EDEM3: variants seen among roughly 807,000 people sequenced by gnomAD.
EDEM3 encodes ER degradation enhancing alpha-mannosidase like protein 3, also known as ER degradation-enhancing alpha-mannosidase-like protein 3.
A neutral mutation model predicts 110.2 loss-of-function variants in EDEM3; 60 were observed. That is an observed-to-expected ratio of 0.54 (90% confidence interval 0.44 to 0.67). EDEM3 has a LOEUF of 0.67. Ranked by LOEUF, EDEM3 falls within the 30% of genes least tolerant of loss-of-function variation. The pLI, the probability that EDEM3 is intolerant of heterozygous loss-of-function variation, is 0.00. For missense variants in EDEM3, 996 were observed against 1,121.0 expected (o/e 0.89, Z 1.59); for synonymous variants, 352 against 382.9 (o/e 0.92, Z 0.94).
At chr1:184,719,048 C>G (rs1321129813) in intron 11 of EDEM3, 114 bp downstream of exon 11, 1 of 526,782 alleles carries the variant, frequency 1.9e-6, no homozygotes, top group Non-Finnish European at 3.2e-6. Flanking sequence ...AACCAACAAG[C>G]CTTGAAGATG....
intron 16 of EDEM3, 54 bp downstream of exon 16, chr1:184,710,340 C>A: frequency 1.9e-6 from 3 of 1,570,214 alleles, no homozygotes; most frequent in Middle Eastern, 1.7e-4. Context: ...AAAGCTAATG[C>A]GACCAAAGAA....
In EDEM3 at chr1:184,721,154, C is replaced by T. The variant is rs114073455; in HGVS notation, c.951+135G>A. 555 of 683,072 alleles carry T rather than the reference C, an allele frequency of 8.1e-4. 4 individuals carry two copies. In the African/African-American group the frequency reaches 9.8e-3, roughly 12 times the overall value. The allele number at this position is 683,072 out of a possible 1,614,324, so 42.3% of individuals were successfully genotyped here. ...TTTTTACGCTGTCCCTGTTCAACAT[C>T]ATCAGGAAATACTGACACAAAACCA... On this transcript the variant is annotated intron_variant, in intron 9 of 19. Transcript: ENST00000318130.
At chr1:184,717,156 G>T in intron 12 of EDEM3, 144 bp from the exon 13 acceptor site, 2 of 577,114 alleles carry the variant, frequency 3.5e-6, no homozygotes, top group Non-Finnish European at 5.6e-6. Flanking sequence ...ACTGAGTTCT[G>T]AAAAAAAGCT....
In EDEM3 at chr1:184,732,244, G is replaced by A. The variant is rs146609382; in HGVS notation, c.612+593C>T. 6.9e-3 allele frequency among the ~76,000 whole-genome samples: 1,055 copies of A among 152,052 alleles called. 59 individuals are homozygous for A. Among genetic ancestry groups the A allele is most frequent in the Admixed American group, 0.061 (929 of 15,278 alleles). ...TTTTGAATGTTCTTACTCATTTGTG[G>A]GAGCTAAAATTTAAAACAATTGATC... On this transcript the variant is annotated intron_variant, in intron 6 of 19. Coordinates refer to ENST00000318130, the MANE Select transcript of EDEM3 (RefSeq NM_025191.4).
intron 11 of EDEM3, 32 bp downstream of exon 11, chr1:184,719,130 G>A (rs997706110): frequency 1.5e-6 from 2 of 1,292,738 alleles, no homozygotes; most frequent in African/African-American, 3.0e-5. Context: ...GTTTGTGTGT[G>A]TGTAAGATTA....
chr1:184,736,529 T>C (rs1410824521), intron 4 of EDEM3, among the ~76,000 whole-genome samples: 1 of 152,026 alleles, frequency 6.6e-6, no homozygotes, highest in Non-Finnish European at 1.5e-5. Flanking sequence ...TCACAAACAG[T>C]CCTGAACCAG....
intron 19 of EDEM3, among the ~76,000 whole-genome samples, chr1:184,700,035 T>C (rs548085931): frequency 7.2e-4 from 109 of 152,062 alleles, no homozygotes; most frequent in Admixed American, 1.3e-3. Flanking sequence ...CTGAGAGATA[T>C]GATATTGAAA....
At position 184,709,393 on chromosome 1, in the gene EDEM3, T is replaced by C. The variant is rs138763354; in HGVS notation, c.1845+1001A>G. On this transcript the variant is annotated intron_variant, in intron 16 of 19. Transcript: ENST00000318130. ...GGTGACACTGTTGAAGAAGAGTATA[T>C]AGAGAAAAGAATATCATCCAGATTC... Among the ~76,000 whole-genome samples the C allele has an allele frequency of 2.8e-3, 429 of 152,224 alleles. 5 individuals carry two copies. The East Asian group carries it at 0.036, about 13-fold the overall frequency.
Position 184,719,219 on chromosome 1 carries a change from A to G in EDEM3, c.1104T>C (p.Ala368=). ...GATATAACATTTCATGAGTTTCAAT[A>G]GCAGGTCTAATATCCCCCTTTAACA... ...LQVLKGDIRP[A]IETHEMLYQV... Residue 368 remains alanine, a synonymous_variant, in exon 11 of 20, where the codon GCT becomes GCC. Transcript: ENST00000318130. 1 of 1,576,114 alleles carries G rather than the reference A, an allele frequency of 6.3e-7. No homozygotes were observed. The highest frequency in any genetic ancestry group is 8.6e-7 in the Non-Finnish European group (1 of 1,165,070).
chr1:184,736,419 A>G (rs1167152341), intron 4 of EDEM3, among the ~76,000 whole-genome samples: 5 of 152,156 alleles, frequency 3.3e-5, no homozygotes, highest in Admixed American at 1.3e-4. Flanking sequence ...AATTCTCACA[A>G]AAGCCTACTT....
chr1:184,723,887 A>T, intron 7 of EDEM3, 31 bp from the exon 8 acceptor site: 1 of 1,242,062 alleles, frequency 8.1e-7, no homozygotes, highest in South Asian at 1.4e-5. Flanking sequence ...AAAAAAAAAG[A>T]AGTGCATATT....
At chr1:184,729,346 A>G (rs1291277712) in intron 6 of EDEM3, among the ~76,000 whole-genome samples, 2 of 152,186 alleles carry the variant, frequency 1.3e-5, no homozygotes, top group East Asian at 3.8e-4. Context: ...TTTTTGCTAC[A>G]CTAGAAAATC....
rs187941632 is a variant in EDEM3 at position 184,703,013 on chromosome 1, T to C, written c.2204-17A>G. The C allele has an allele frequency of 2.8e-4, 433 of 1,573,326 alleles. No individual in the cohort carries two copies. The highest frequency in any genetic ancestry group is 3.5e-4 in the Non-Finnish European group (402 of 1,160,718). Reference sequence around the variant, plus strand: ...CATTGTCATCTAGCCAGAAAATAAATACAGCAAACATCAAAATATCCAGCC... The same window carrying C: ...CATTGTCATCTAGCCAGAAAATAAACACAGCAAACATCAAAATATCCAGCC... On this transcript the variant is annotated splice_polypyrimidine_tract_variant and intron_variant, in intron 18 of 19. Transcript: ENST00000318130.
chr1:184,736,212 C>T (rs1002210698), intron 4 of EDEM3, among the ~76,000 whole-genome samples: 5 of 151,830 alleles, frequency 3.3e-5, no homozygotes, highest in Non-Finnish European at 7.4e-5. Context: ...CACAAGTGAA[C>T]CTCTTAAGCT....
intron 19 of EDEM3, among the ~76,000 whole-genome samples, chr1:184,695,697 C>G (rs545153481): frequency 9.2e-5 from 14 of 151,962 alleles, no homozygotes; most frequent in Non-Finnish European, 1.8e-4. Flanking sequence ...CCCACAGATA[C>G]AGAGGGAGAA....
At chr1:184,705,475 C>T (rs777226157) in intron 18 of EDEM3, among the ~76,000 whole-genome samples, 25 of 152,302 alleles carry the variant, frequency 1.6e-4, no homozygotes, top group Non-Finnish European at 3.2e-4. Flanking sequence ...AACAAATTGG[C>T]ATGACTGTGT....
At chr1:184,703,019 A>C (rs1210248207) in intron 18 of EDEM3, 23 bp from the exon 19 acceptor site, 1 of 1,551,348 alleles carries the variant, frequency 6.4e-7, no homozygotes, top group African/African-American at 1.4e-5. Flanking sequence ...TAAATACAGC[A>C]AACATCAAAA....
chr1:184,717,405 A>G (rs1391427784), intron 12 of EDEM3, 135 bp downstream of exon 12: 2 of 652,212 alleles, frequency 3.1e-6, no homozygotes, highest in East Asian at 3.2e-5. Flanking sequence ...GACTAGATGA[A>G]TAAGAATCAT....
Position 184,712,428 on chromosome 1 carries a change from C to T in EDEM3, c.1536+5G>A. 1 of 1,578,758 alleles carries T rather than the reference C, an allele frequency of 6.3e-7. No homozygotes were observed. The highest frequency in any genetic ancestry group is 8.5e-7 in the Non-Finnish European group (1 of 1,169,688). On this transcript the variant is annotated splice_donor_5th_base_variant and intron_variant, in intron 14 of 19. Transcript: ENST00000318130. Reference sequence around the variant, plus strand: ...GAGAATAAGACATTTCATTTAAAAACTCACTGTGTTCTTTTTAGAGATGCT... The same window carrying T: ...GAGAATAAGACATTTCATTTAAAAATTCACTGTGTTCTTTTTAGAGATGCT...
Sources: allele counts gnomAD v4.1 joint callset (sites outside exome capture counted in the v4.1 genomes callset), GRCh38; gene constraint gnomAD v4.1.1; transcripts MANE v1.5; gene names NCBI Gene and HGNC (gene_info 2026-07-23, HGNC 2026-07-21).